The following RASGRF1 variants were observed in gnomAD, a reference collection of about 807,000 sequenced individuals.
The protein encoded by RASGRF1 is ras-specific guanine nucleotide-releasing factor 1.
In RASGRF1, 40 loss-of-function variants were observed where a neutral mutation model predicts 138.7. The ratio of observed to expected loss-of-function variants is 0.29; its 90% confidence interval spans 0.22 to 0.38. The LOEUF is 0.38. Ranked by LOEUF, RASGRF1 falls within the 10% of genes least tolerant of loss-of-function variation. RASGRF1 has a pLI of 1.00. For missense variants in RASGRF1, 1,108 were observed against 1,650.4 expected (o/e 0.67, Z 5.69); for synonymous variants, 614 against 663.2 (o/e 0.93, Z 1.14).
intron 24 of RASGRF1, among the ~76,000 whole-genome samples, chr15:78,976,687 G>A (rs571532163): frequency 6.6e-6 from 1 of 152,338 alleles, no homozygotes; most frequent in Non-Finnish European, 1.5e-5. Context: ...TAGGGACTGA[G>A]CCACACCGAG....
chr15:78,990,464 C>T (rs1053956556), intron 21 of RASGRF1, among the ~76,000 whole-genome samples, 191 bp from the exon 22 acceptor site: 2 of 152,140 alleles, frequency 1.3e-5, no homozygotes, highest in Non-Finnish European at 2.9e-5. Context: ...GCTGTGTGGC[C>T]CCAGACAAAC....
At position 79,032,315 on chromosome 15, in the gene RASGRF1, A is replaced by AG; in HGVS notation, c.959dup (p.Asp321Ter). ...TGGGCAGCAGGATGTCAAATAGGTC[A>AG]GCTGGAAGGACGAGGCAGTCAGCGG... On this transcript the variant is annotated frameshift_variant and splice_region_variant, in exon 7 of 27. Coordinates refer to ENST00000558480, the MANE Select transcript of RASGRF1 (RefSeq NM_001145648.3). LOFTEE classifies it high-confidence loss of function. This position sits in a 1 kb window ranked among gnomAD's most constrained non-coding sequence, Gnocchi z 4.5. The AG allele has an allele frequency of 6.2e-7, 1 of 1,613,868 alleles. No individual in the cohort carries two copies. Among genetic ancestry groups the AG allele is most frequent in the Non-Finnish European group, 8.5e-7 (1 of 1,179,852 alleles).
rs112115214 is a variant in RASGRF1 at position 79,090,253 on chromosome 15, C to T, written c.246G>A (p.Ala82=). The T allele has an allele frequency of 6.2e-7, 1 of 1,609,464 alleles. No individual in the cohort carries two copies. Among genetic ancestry groups the T allele is most frequent in the Non-Finnish European group, 8.5e-7 (1 of 1,178,800 alleles). ...TCTCCAGCGGCTCCTTGGCCGACAG[C>T]GCCGGCTTGGGGGAGGGCGCGCGGT... ...VCDRAPSPKP[A]LSAKEPLEKQ... The change falls in exon 1 of 27, where the codon GCG becomes GCA. Residue 82 remains alanine, a synonymous_variant. Transcript: ENST00000558480.
At chr15:79,024,274 T>C (rs1252928836) in intron 10 of RASGRF1, among the ~76,000 whole-genome samples, 1 of 150,720 alleles carries the variant, frequency 6.6e-6, no homozygotes, top group Non-Finnish European at 1.5e-5. Flanking sequence ...AGAAAGACAA[T>C]ACATATACAC....
intron 10 of RASGRF1, among the ~76,000 whole-genome samples, chr15:79,023,138 C>A (rs1459619291): frequency 1.3e-5 from 2 of 151,932 alleles, no homozygotes; most frequent in East Asian, 3.9e-4. Flanking sequence ...CACGCCACTG[C>A]ACTCCAGTCT....
At position 78,998,731 on chromosome 15, in the gene RASGRF1, G is replaced by A. The variant is rs2056449844; in HGVS notation, c.2841C>T (p.Ser947=). 6.2e-7 allele frequency: 1 copy of A among 1,613,654 alleles called. No homozygotes were observed. The highest frequency in any genetic ancestry group is 2.2e-5 in the East Asian group (1 of 44,876). ...GGCTCCCACCCACCTGAGAGTGCTT[G>A]GACACCCAGTGGCGGAGCACGTTCA... ...RVLNVLRHWV[S]KHSQDFETND... The change falls in exon 18 of 27, where the codon TCC becomes TCT. Residue 947 remains serine, a synonymous_variant. Coordinates refer to ENST00000558480, the MANE Select transcript of RASGRF1 (RefSeq NM_001145648.3).
chr15:79,007,086 GT>G (rs1312835701), intron 13 of RASGRF1, among the ~76,000 whole-genome samples: 2 of 152,220 alleles, frequency 1.3e-5, no homozygotes, highest in Non-Finnish European at 1.5e-5. Flanking sequence ...CTACCCAGGT[GT>G]CCATCAGCTG....
At position 79,061,413 on chromosome 15, in the gene RASGRF1, A is replaced by AATAT. The variant is rs57956576; in HGVS notation, c.384-2936_384-2933dup. ...TAGAAAATTAGAACACTATCTTTAA[A>AATAT]ATATATATATATATATATCATTCAT... On this transcript the variant is annotated intron_variant, in intron 2 of 26. Transcript: ENST00000558480. 6.3e-3 allele frequency among the ~76,000 whole-genome samples: 737 copies of AATAT among 117,010 alleles called. 15 individuals carry two copies. The East Asian group carries it at 0.072, about 11-fold the overall frequency. The allele number at this position is 117,010 out of a possible 152,430, so 76.8% of individuals were successfully genotyped here.
chr15:79,049,350 G>T, intron 4 of RASGRF1, 146 bp downstream of exon 4: 2 of 729,158 alleles, frequency 2.7e-6, no homozygotes, highest in Non-Finnish European at 4.7e-6. Context: ...GGATAAGGGA[G>T]TGTGGGCTCT....
intron 20 of RASGRF1, among the ~76,000 whole-genome samples, chr15:78,995,520 C>A (rs968273409): frequency 1.3e-5 from 2 of 152,152 alleles, no homozygotes; most frequent in African/African-American, 4.8e-5. Flanking sequence ...ACCTCCTGAC[C>A]TCAGGTGATC....
Position 79,069,693 on chromosome 15 carries a change from A to G in RASGRF1, c.277-5167T>C, listed in dbSNP as rs141638323. 1.0e-3 allele frequency among the ~76,000 whole-genome samples: 159 copies of G among 152,270 alleles called. No individual in the cohort carries two copies. The East Asian group carries it at 0.011, about 11-fold the overall frequency. On this transcript the variant is annotated intron_variant, in intron 1 of 26. Transcript: ENST00000558480. ...AATGCTGGTGTTTCTTAAGTAAGGGAAGTCAAAGATTTGGGGGAAACGGGG... is the reference window on the plus strand; with the variant it reads ...AATGCTGGTGTTTCTTAAGTAAGGGGAGTCAAAGATTTGGGGGAAACGGGG...
At position 79,090,731 on chromosome 15, in the gene RASGRF1, C is replaced by A. The variant is rs975369669; in HGVS notation, c.-233G>T. 1 of 578,520 alleles carries A rather than the reference C, an allele frequency of 1.7e-6. No individual in the cohort carries two copies. The highest frequency in any genetic ancestry group is 2.9e-6 in the Non-Finnish European group (1 of 341,916). 35.8% of individuals were successfully genotyped at this position (578,520 alleles called of 1,614,324 possible). On this transcript the variant is annotated 5_prime_UTR_variant, in exon 1 of 27. Transcript: ENST00000558480. ...TCTCCGCTCCGCAGAGCCCCAGTAC[C>A]CGGAAGATGCCGCCCGACCCTCCTC...
chr15:79,016,956 C>T (rs1314181722), intron 12 of RASGRF1, among the ~76,000 whole-genome samples: 1 of 152,234 alleles, frequency 6.6e-6, no homozygotes, highest in African/African-American at 2.4e-5. Flanking sequence ...TGGCTGCTCT[C>T]CTACCACCCC....
intron 5 of RASGRF1, among the ~76,000 whole-genome samples, chr15:79,042,842 A>G (rs779356276): frequency 5.9e-5 from 9 of 152,212 alleles, no homozygotes; most frequent in Non-Finnish European, 1.2e-4. Context: ...AGAAGCTTCA[A>G]TCCTGCAAAG....
At chr15:79,026,001 C>T (rs988105973) in intron 9 of RASGRF1, among the ~76,000 whole-genome samples, 1 of 152,044 alleles carries the variant, frequency 6.6e-6, no homozygotes, top group Non-Finnish European at 1.5e-5. Flanking sequence ...TCAATCACTG[C>T]ACCATACTGC....
At chr15:79,079,044 C>G (rs2057878057) in intron 1 of RASGRF1, among the ~76,000 whole-genome samples, 1 of 152,240 alleles carries the variant, frequency 6.6e-6, no homozygotes, top group African/African-American at 2.4e-5. Flanking sequence ...CAGAATCAGC[C>G]TCGAACGAGG....
At position 79,027,450 on chromosome 15, in the gene RASGRF1, G is replaced by GT. The variant is rs1252091662; in HGVS notation, c.1381+290dup. ...TTCTCCCCAAAAAGGACATGTCGAT[G>GT]TTTACTATGACATACAATAGACAAA... On this transcript the variant is annotated intron_variant, in intron 9 of 26. Transcript: ENST00000558480. This position sits in a 1 kb window ranked among gnomAD's most constrained non-coding sequence, Gnocchi z 4.8. Among the ~76,000 whole-genome samples, 7 of 152,296 alleles carry GT rather than the reference G, an allele frequency of 4.6e-5. No individual in the cohort carries two copies. Among genetic ancestry groups the GT allele is most frequent in the Middle Eastern group, 6.8e-3 (2 of 294 alleles).
At chr15:78,987,477 C>T (rs1388610873) in intron 22 of RASGRF1, among the ~76,000 whole-genome samples, 1 of 152,040 alleles carries the variant, frequency 6.6e-6, no homozygotes, top group Non-Finnish European at 1.5e-5. Context: ...GGGTGGATCA[C>T]CTGAGGTCCG....
chr15:79,072,819 A>T (rs1260037122), intron 1 of RASGRF1, among the ~76,000 whole-genome samples: 1 of 152,160 alleles, frequency 6.6e-6, no homozygotes, highest in Non-Finnish European at 1.5e-5. Context: ...GCAACACTGG[A>T]GCTGCTGTGA....
Sources: allele counts gnomAD v4.1 joint callset (sites outside exome capture counted in the v4.1 genomes callset), GRCh38; gene constraint gnomAD v4.1.1; non-coding constraint Gnocchi (gnomAD v3.1); transcripts MANE v1.5; gene names NCBI Gene and HGNC (gene_info 2026-07-23, HGNC 2026-07-21).